Variants in NUMB observed in about 807,000 individuals in gnomAD.
NUMB encodes NUMB endocytic adaptor protein.
A neutral mutation model predicts 59.7 loss-of-function variants in NUMB; 29 were observed. That is an observed-to-expected ratio of 0.49 (90% CI 0.36 to 0.66). The LOEUF is 0.66. Ranked by LOEUF, NUMB falls within the 30% of genes least tolerant of loss-of-function variation. The pLI is 0.00. For synonymous variants in NUMB, 288 were observed against 288.2 expected (o/e 1.00, Z 0.01); for missense variants, 723 against 822.0 (o/e 0.88, Z 1.47).
intron 12 of NUMB, among the ~76,000 whole-genome samples, chr14:73,278,227 T>A (rs1217205590): frequency 1.3e-5 from 2 of 152,012 alleles, no homozygotes; most frequent in African/African-American, 4.8e-5. Context: ...ATTACTATGT[T>A]AAAACCTTTT....
intron 10 of NUMB, among the ~76,000 whole-genome samples, chr14:73,283,610 G>GA (rs1451682729): frequency 6.6e-6 from 1 of 152,194 alleles, no homozygotes; most frequent in Non-Finnish European, 1.5e-5. Flanking sequence ...AGATGTACAC[G>GA]AAAGACCTGT....
At position 73,276,766 on chromosome 14, in the gene NUMB, T is replaced by C. The variant is rs780557581; in HGVS notation, c.1768A>G (p.Asn590Asp). Reference sequence around the variant, plus strand: ...GCCAACCTGCCATCATCTACACCATTGAAAGCTGCAGAACCGTTGAGGTGC... The same window carrying C: ...GCCAACCTGCCATCATCTACACCATCGAAAGCTGCAGAACCGTTGAGGTGC... Reference protein sequence around the residue: ...AQHLNGSAAFNGVDDGRLASA... With the variant: ...AQHLNGSAAFDGVDDGRLASA... The change falls in exon 13 of 13, where the codon AAT becomes GAT. Residue 590 changes from asparagine to aspartate, a missense_variant. Transcript: ENST00000555238. 12 of 1,613,984 alleles carry C rather than the reference T, an allele frequency of 7.4e-6. No individual in the cohort carries two copies. Among genetic ancestry groups the C allele is most frequent in the Non-Finnish European group, 1.0e-5 (12 of 1,180,020 alleles).
chr14:73,340,412 T>C (rs952448007), intron 4 of NUMB, among the ~76,000 whole-genome samples: 3 of 152,132 alleles, frequency 2.0e-5, no homozygotes, highest in Admixed American at 6.5e-5. Flanking sequence ...TACCTCAGGC[T>C]TTCCCCTCCC....
At chr14:73,286,570 CTAAA>C (rs1889018937) in intron 9 of NUMB, 2 of 137,380 alleles carry the variant, frequency 1.5e-5, no homozygotes, top group African/African-American at 6.0e-5. Flanking sequence ...AAATCACACA[CTAAA>C]TTAAATTAAC....
At chr14:73,282,543 T>C in intron 10 of NUMB, 38 bp from the exon 11 acceptor site, 1 of 1,602,564 alleles carries the variant, frequency 6.2e-7, no homozygotes, top group South Asian at 1.1e-5. Context: ...GACAGAAAAA[T>C]GGAATAATCC....
intron 1 of NUMB, among the ~76,000 whole-genome samples, chr14:73,436,369 C>G (rs1213104988): frequency 6.6e-6 from 1 of 152,002 alleles, no homozygotes; most frequent in Non-Finnish European, 1.5e-5. Context: ...CAGGATGGAC[C>G]ACAGTAGCGT....
At position 73,384,335 on chromosome 14, in the gene NUMB, C is replaced by T. The variant is rs894937010; in HGVS notation, c.-100-17354G>A. 2.2e-4 allele frequency among the ~76,000 whole-genome samples: 33 copies of T among 151,968 alleles called. No individual in the cohort carries two copies. In the South Asian group the frequency reaches 4.8e-3, roughly 22 times the overall value. ...CGATCTCCTGACCTCATGATCCACC[C>T]GCCTCGGCCTCCCAAAAGGTTGGGA... On this transcript the variant is annotated intron_variant, in intron 2 of 12. Coordinates refer to ENST00000555238, the MANE Select transcript of NUMB (RefSeq NM_001005743.2).
At chr14:73,425,038 G>C (rs977638892) in intron 1 of NUMB, among the ~76,000 whole-genome samples, 3 of 152,042 alleles carry the variant, frequency 2.0e-5, no homozygotes, top group Non-Finnish European at 4.4e-5. Flanking sequence ...GGTTGTCTAA[G>C]CCAACATCTC....
intron 9 of NUMB, 174 bp from the exon 10 acceptor site, chr14:73,284,548 T>G: frequency 5.1e-6 from 3 of 590,206 alleles, no homozygotes; most frequent in Non-Finnish European, 6.0e-6. Context: ...ATAAAAGGCT[T>G]AGTAATGTAC....
chr14:73,380,076 G>T (rs558181191), intron 2 of NUMB, among the ~76,000 whole-genome samples: 1 of 152,284 alleles, frequency 6.6e-6, no homozygotes, highest in Non-Finnish European at 1.5e-5. Flanking sequence ...AACAGTAGAG[G>T]TATGTCAGGG....
chr14:73,385,984 A>G (rs1300994513), intron 2 of NUMB, among the ~76,000 whole-genome samples: 1 of 152,162 alleles, frequency 6.6e-6, no homozygotes, highest in African/African-American at 2.4e-5. Flanking sequence ...ACACTGATAA[A>G]ATGCTGTCTG....
In NUMB at chr14:73,277,259, A is replaced by T; in HGVS notation, c.1275T>A (p.Ser425=). 1 of 1,606,240 alleles carries T rather than the reference A, an allele frequency of 6.2e-7. No individual in the cohort carries two copies. The change falls in exon 13 of 13, where the codon TCT becomes TCA. Residue 425 remains serine (S), a synonymous_variant. Coordinates refer to ENST00000555238, the MANE Select transcript of NUMB (RefSeq NM_001005743.2). The part of the protein sequence containing the change: ...TEWGQSSGAA[S]PGLFQAGHRR... ...TATGACCGGCCTGGAAGAGACCTGG[A>T]GAGGCAGCACCAGAAGATTGACCCC...
intron 2 of NUMB, among the ~76,000 whole-genome samples, chr14:73,392,644 C>G (rs573454418): frequency 1.9e-4 from 29 of 152,326 alleles, no homozygotes; most frequent in African/African-American, 7.0e-4. Flanking sequence ...ATCTCTAAGT[C>G]TAGCCACACA....
intron 2 of NUMB, among the ~76,000 whole-genome samples, chr14:73,397,907 T>C (rs1044503380): frequency 3.3e-5 from 5 of 152,188 alleles, no homozygotes; most frequent in African/African-American, 4.8e-5. Context: ...TGTGTTAACC[T>C]GGCCTTGATG....
At chr14:73,418,798 T>C (rs1002081970) in intron 1 of NUMB, among the ~76,000 whole-genome samples, 2 of 151,936 alleles carry the variant, frequency 1.3e-5, no homozygotes, top group African/African-American at 4.8e-5. Context: ...CTTTTATGTA[T>C]ATTTTACCAC....
chr14:73,287,456 G>T, intron 8 of NUMB, 142 bp from the exon 9 acceptor site: 1 of 691,138 alleles, frequency 1.4e-6, no homozygotes, highest in Non-Finnish European at 2.4e-6. Flanking sequence ...TCTGCTCACT[G>T]CAACCTCTGC....
At chr14:73,388,733 C>A (rs1185360560) in intron 2 of NUMB, among the ~76,000 whole-genome samples, 1 of 151,778 alleles carries the variant, frequency 6.6e-6, no homozygotes, top group African/African-American at 2.4e-5. Context: ...GAGGCTGAGG[C>A]GGGCGGATCA....
chr14:73,429,400 A>T (rs1897728468), intron 1 of NUMB, among the ~76,000 whole-genome samples: 1 of 152,034 alleles, frequency 6.6e-6, no homozygotes, highest in Non-Finnish European at 1.5e-5. Context: ...TTCTTTCCCT[A>T]TAGTTTTGCC....
intron 2 of NUMB, among the ~76,000 whole-genome samples, chr14:73,384,919 G>T (rs10149071): frequency 0.23 from 31,724 of 139,634 alleles, 4,459 homozygotes; most frequent in East Asian, 0.67. Context: ...TTGAGACGGA[G>T]TTTCGCTCTT....
Sources: allele counts gnomAD v4.1 joint callset (sites outside exome capture counted in the v4.1 genomes callset), GRCh38; gene constraint gnomAD v4.1.1; transcripts MANE v1.5; gene names NCBI Gene and HGNC (gene_info 2026-07-23, HGNC 2026-07-21).